The following PIGN variants were observed in gnomAD, a reference collection of about 807,000 sequenced individuals.
PIGN encodes the protein GPI ethanolamine phosphate transferase 1.
Under a neutral mutation model 125.4 loss-of-function variants are expected in PIGN, and 117 were observed. The observed-to-expected ratio is 0.93, with a 90% CI of 0.80 to 1.09. The LOEUF (loss-of-function observed/expected upper bound fraction) is 1.09. Among genes scored for constraint, PIGN ranks in the 50% least tolerant of loss-of-function variants. PIGN has a pLI of 0.00. For synonymous variants in PIGN, 392 were observed against 377.8 expected (o/e 1.04, Z -0.44); for missense variants, 1,075 against 1,094.9 (o/e 0.98, Z 0.26).
In PIGN at chr18:62,102,739, A is replaced by T. The variant is rs1599524714; in HGVS notation, c.1968+55T>A. ...ATGAACATAATTAAATATAACCATA[A>T]GACACATTTCAGTATATCATTAGTA... On this transcript the variant is annotated intron_variant, in intron 21 of 30. Transcript: ENST00000640252. 4 of 774,806 alleles carry T rather than the reference A, an allele frequency of 5.2e-6. No homozygotes were observed. The South Asian group carries it at 7.5e-5, about 15-fold the overall frequency. The allele number at this position is 774,806 out of a possible 1,614,324, so 48.0% of individuals were successfully genotyped here.
chr18:62,025,991 C>T (rs1235038733), intron 23 of PIGN, among the ~76,000 whole-genome samples: 1 of 152,296 alleles, frequency 6.6e-6, no homozygotes, highest in South Asian at 2.1e-4. Context: ...AGTATCAGAG[C>T]TGTGAAATCT....
At chr18:62,029,465 T>C (rs1027235130) in intron 23 of PIGN, among the ~76,000 whole-genome samples, 1 of 152,166 alleles carries the variant, frequency 6.6e-6, no homozygotes, top group African/African-American at 2.4e-5. Flanking sequence ...GTTGGGTAGA[T>C]GGGTGCATGA....
intron 22 of PIGN, 124 bp from the exon 23 acceptor site, chr18:62,096,074 C>A: frequency 1.9e-6 from 1 of 520,196 alleles, no homozygotes; most frequent in Non-Finnish European, 3.6e-6. Flanking sequence ...GTGGGCAGAT[C>A]ACCTGAGGTC....
At chr18:62,138,381 T>C (rs2036012278) in intron 13 of PIGN, 83 bp from the exon 14 acceptor site, 3 of 1,464,320 alleles carry the variant, frequency 2.0e-6, no homozygotes, top group Admixed American at 2.6e-5. Context: ...AAAATGATTC[T>C]TTAGGGATGG....
intron 30 of PIGN, among the ~76,000 whole-genome samples, chr18:62,068,098 CTTTG>C (rs3838901): frequency 6.0e-5 from 9 of 151,100 alleles, no homozygotes; most frequent in African/African-American, 9.8e-5. Context: ...CCTCCCAGGT[CTTTG>C]TTTGTTTGTT....
intron 10 of PIGN, among the ~76,000 whole-genome samples, chr18:62,144,093 T>C (rs1169655792): frequency 6.6e-6 from 1 of 152,188 alleles, no homozygotes; most frequent in African/African-American, 2.4e-5. Flanking sequence ...GATGAAAAAA[T>C]GCCCATTCCT....
chr18:62,113,773 T>G (rs1378894170), intron 15 of PIGN, among the ~76,000 whole-genome samples: 1 of 152,118 alleles, frequency 6.6e-6, no homozygotes, highest in Non-Finnish European at 1.5e-5. Flanking sequence ...AAAAAAGCAT[T>G]AGAAATGCAC....
At chr18:62,022,326 T>G (rs2030062749) in intron 23 of PIGN, among the ~76,000 whole-genome samples, 1 of 152,266 alleles carries the variant, frequency 6.6e-6, no homozygotes, top group Non-Finnish European at 1.5e-5. Context: ...GGATTTGTTT[T>G]AACCTTAGTT....
At chr18:62,088,956 CAAAAA>C in intron 24 of PIGN, 114 bp from the exon 25 acceptor site, 1 of 619,902 alleles carries the variant, frequency 1.6e-6, no homozygotes, top group South Asian at 1.9e-5. Context: ...CCTGTGCTGA[CAAAAA>C]AATAAACAAT....
intron 14 of PIGN, chr18:62,123,438 A>G (rs1408001961): frequency 6.6e-6 from 1 of 152,186 alleles, no homozygotes; most frequent in African/African-American, 2.4e-5. Flanking sequence ...AGGCACATTA[A>G]GAACTAAATG....
intron 30 of PIGN, among the ~76,000 whole-genome samples, chr18:62,049,641 T>C (rs1412495269): frequency 6.8e-6 from 1 of 147,258 alleles, no homozygotes; most frequent in Non-Finnish European, 1.5e-5. Flanking sequence ...TTCTCCCATG[T>C]TGTAGGTTGC....
intron 27 of PIGN, among the ~76,000 whole-genome samples, chr18:62,083,047 C>T (rs980177923): frequency 6.6e-6 from 1 of 151,858 alleles, no homozygotes; most frequent in African/African-American, 2.4e-5. Context: ...AATAATTAAC[C>T]ACAATGTTCA....
intron 23 of PIGN, among the ~76,000 whole-genome samples, chr18:62,020,378 A>G (rs1335530421): frequency 2.0e-5 from 3 of 152,232 alleles, no homozygotes; most frequent in African/African-American, 7.2e-5. Context: ...AATTTATAGC[A>G]TACAATACAT....
Position 62,154,536 on chromosome 18 carries a change from A to G in PIGN, c.549+9T>C, listed in dbSNP as rs750250570. On this transcript the variant is annotated intron_variant, in intron 7 of 30. Transcript: ENST00000640252. ...GCTTTTTGTATATTAACCACTCAAT[A>G]GCACAAACCTTAACATTATCAAAAA... 1.5e-6 allele frequency: 2 copies of G among 1,295,824 alleles called. No individual in the cohort carries two copies. The highest frequency in any genetic ancestry group is 1.2e-5 in the South Asian group (1 of 82,740). 80.3% of individuals were successfully genotyped at this position (1,295,824 alleles called of 1,614,324 possible).
intron 23 of PIGN, among the ~76,000 whole-genome samples, chr18:62,023,252 C>T (rs768318787): frequency 6.6e-6 from 1 of 152,106 alleles, no homozygotes; most frequent in Non-Finnish European, 1.5e-5. Flanking sequence ...CTTCCAAAGC[C>T]CCAGGCAACA....
intron 30 of PIGN, among the ~76,000 whole-genome samples, chr18:62,050,315 A>T (rs1156323105): frequency 6.6e-6 from 1 of 151,776 alleles, no homozygotes; most frequent in Non-Finnish European, 1.5e-5. Flanking sequence ...CACGATATTG[A>T]TTCTTCCTAC....
chr18:62,085,603 A>G (rs918683304), intron 25 of PIGN, among the ~76,000 whole-genome samples: 7 of 152,144 alleles, frequency 4.6e-5, no homozygotes, highest in African/African-American at 1.7e-4. Flanking sequence ...AGTGTGTATC[A>G]TAGATATTTT....
chr18:62,102,071 T>C (rs1285300869), intron 21 of PIGN, among the ~76,000 whole-genome samples: 2 of 151,344 alleles, frequency 1.3e-5, no homozygotes, highest in African/African-American at 4.9e-5. Context: ...CTACTAAATA[T>C]ACAACATTAG....
intron 14 of PIGN, among the ~76,000 whole-genome samples, chr18:62,121,118 G>C (rs1304840371): frequency 6.6e-6 from 1 of 152,136 alleles, no homozygotes; most frequent in Non-Finnish European, 1.5e-5. Flanking sequence ...ATTGGCAAGG[G>C]CATTTGCCAA....
Sources: allele counts gnomAD v4.1 joint callset (sites outside exome capture counted in the v4.1 genomes callset), GRCh38; gene constraint gnomAD v4.1.1; transcripts MANE v1.5; gene names NCBI Gene and HGNC (gene_info 2026-07-23, HGNC 2026-07-21).